The following TAMM41 variants were observed in gnomAD, a reference collection of about 807,000 sequenced individuals.
TAMM41 encodes phosphatidate cytidylyltransferase, mitochondrial.
Under a neutral mutation model 44.1 loss-of-function variants are expected in TAMM41, and 36 were observed. The ratio of observed to expected loss-of-function variants is 0.82; its 90% confidence interval spans 0.63 to 1.08. TAMM41 has a LOEUF of 1.08. Among genes scored for constraint, TAMM41 ranks in the 50% least tolerant of loss-of-function variants. TAMM41 has a pLI of 0.00. For synonymous variants in TAMM41, 164 were observed against 153.1 expected, an observed-to-expected ratio of 1.07 and a Z score of -0.53; for missense variants, 417 against 404.3, an observed-to-expected ratio of 1.03 and a Z score of -0.27.
chr3:11,824,122 C>T (rs1057471585), intron 4 of TAMM41, among the ~76,000 whole-genome samples: 2 of 151,078 alleles, frequency 1.3e-5, no homozygotes, highest in African/African-American at 2.4e-5. Context: ...CCACTGCGCC[C>T]GGCCTATCCA....
chr3:11,820,061 C>T (rs1211224619), intron 4 of TAMM41, among the ~76,000 whole-genome samples: 1 of 152,064 alleles, frequency 6.6e-6, no homozygotes, highest in East Asian at 1.9e-4. Flanking sequence ...TTCTATAATG[C>T]TGGCATATTA....
the TAMM41 span, among the ~76,000 whole-genome samples, chr3:11,770,170 T>C: frequency 6.6e-6 from 1 of 152,234 alleles, no homozygotes; most frequent in Non-Finnish European, 1.5e-5. Context: ...GTGCCTCTTC[T>C]GGCCTCTGTG....
chr3:11,784,396 G>A, the TAMM41 span, among the ~76,000 whole-genome samples: 4 of 152,352 alleles, frequency 2.6e-5, no homozygotes, highest in Middle Eastern at 3.4e-3. Context: ...TCAGGAGGCT[G>A]AGGTGGGAGA....
intron 7 of TAMM41, among the ~76,000 whole-genome samples, chr3:11,793,360 A>T (rs1451963208): frequency 6.6e-6 from 1 of 152,210 alleles, no homozygotes; most frequent in East Asian, 1.9e-4. Context: ...AAAAGACCTA[A>T]ACAGGCATTC....
intron 7 of TAMM41, among the ~76,000 whole-genome samples, chr3:11,792,015 T>C (rs1449930842): frequency 6.6e-6 from 1 of 152,180 alleles, no homozygotes; most frequent in Non-Finnish European, 1.5e-5. Context: ...CAGGTAGTTA[T>C]ACATGGAAAG....
At chr3:11,814,703 C>T (rs2124976393) in intron 5 of TAMM41, among the ~76,000 whole-genome samples, 1 of 152,252 alleles carries the variant, frequency 6.6e-6, no homozygotes, top group East Asian at 1.9e-4. Context: ...TGGCTCACAC[C>T]AGTTAACCCA....
the TAMM41 span, among the ~76,000 whole-genome samples, chr3:11,769,119 T>A: frequency 2.0e-5 from 3 of 152,100 alleles, no homozygotes; most frequent in Non-Finnish European, 4.4e-5. Context: ...ACAAACAGTC[T>A]CACTCTGCGC....
rs373032893 is a variant in TAMM41, at chr3:11,817,356, T to A, written c.563-19A>T. 2.6e-4 allele frequency: 421 copies of A among 1,596,772 alleles called. No individual in the cohort carries two copies. Among genetic ancestry groups the A allele is most frequent in the Non-Finnish European group, 3.5e-4 (404 of 1,166,122 alleles). ...AAGTCACCTAGTTAAAACAAAGAGA[T>A]AAACACATCTTCCATTAAGAATCCA... On this transcript the variant is annotated intron_variant, in intron 4 of 7. Transcript: ENST00000455809.
the TAMM41 span, among the ~76,000 whole-genome samples, chr3:11,784,796 C>CTTTT: frequency 1.0e-3 from 113 of 108,764 alleles, 1 homozygote; most frequent in Non-Finnish European, 1.4e-3. Context: ...CTTTTCTTTT[C>CTTTT]TTTTTTTTTT....
chr3:11,843,507 C>G (rs1300679943), intron 2 of TAMM41: 3 of 152,660 alleles, frequency 2.0e-5, no homozygotes, highest in Non-Finnish European at 4.4e-5. Flanking sequence ...GAGGCTGAGG[C>G]GGGCAGATCA....
the TAMM41 span, among the ~76,000 whole-genome samples, chr3:11,722,690 G>A: frequency 2.0e-5 from 3 of 152,140 alleles, no homozygotes; most frequent in African/African-American, 7.2e-5. Context: ...AAAAAAAATG[G>A]TCAGGCGTGG....
At chr3:11,822,596 T>C (rs1448686352) in intron 4 of TAMM41, among the ~76,000 whole-genome samples, 1 of 152,216 alleles carries the variant, frequency 6.6e-6, no homozygotes, top group Non-Finnish European at 1.5e-5. Flanking sequence ...TCTACTTTCT[T>C]GCCACAGATT....
In TAMM41 at chr3:11,844,137, CCAA is replaced by C; in HGVS notation, c.207_209del (p.Asn69_Trp70delinsLys). 2 of 1,614,136 alleles carry C rather than the reference CCAA, an allele frequency of 1.2e-6. No homozygotes were observed. Among genetic ancestry groups the C allele is most frequent in the Non-Finnish European group, 1.7e-6 (2 of 1,180,012 alleles). ...AAACTTTTAGGAAAGAGTAGTGACT[CCAA>C]TTTTTCTTCAGGTTCTTTGAATGCC... On this transcript the variant is annotated inframe_deletion, in exon 2 of 8. Transcript: ENST00000455809.
chr3:11,802,214 T>C (rs1303663328), intron 7 of TAMM41, among the ~76,000 whole-genome samples: 1 of 152,036 alleles, frequency 6.6e-6, no homozygotes, highest in Admixed American at 6.6e-5. Context: ...AGCCAGACCC[T>C]GACTCAAAAA....
chr3:11,790,445 T>C lies in TAMM41; in HGVS notation c.*60A>G, dbSNP rs1331213082. 7 of 1,438,408 alleles carry C rather than the reference T, an allele frequency of 4.9e-6. No individual in the cohort carries two copies. The highest frequency in any genetic ancestry group is 1.2e-5 in the South Asian group (1 of 86,634). The allele number at this position is 1,438,408 out of a possible 1,614,324, so 89.1% of individuals were successfully genotyped here. ...TGGGTCAAAGTAACAAACACTGTTC[T>C]GTCAAAAAGGATCAAACACTTTATT... is the stretch of plus-strand genomic sequence containing the variant. On this transcript the variant is annotated 3_prime_UTR_variant, in exon 8 of 8. Transcript: ENST00000455809.
At chr3:11,781,174 A>G in the TAMM41 span, among the ~76,000 whole-genome samples, 1 of 152,190 alleles carries the variant, frequency 6.6e-6, no homozygotes, top group African/African-American at 2.4e-5. Context: ...AACCCACTGC[A>G]ACCTGGAATT....
chr3:11,725,403 C>CTCTTCT, the TAMM41 span, among the ~76,000 whole-genome samples: 5,051 of 129,470 alleles, frequency 0.039, 405 homozygotes, highest in African/African-American at 0.14. Context: ...TTTCTTCTTC[C>CTCTTCT]TCTTCTTCTT....
the TAMM41 span, among the ~76,000 whole-genome samples, chr3:11,738,785 G>A: frequency 2.0e-5 from 3 of 152,188 alleles, no homozygotes; most frequent in South Asian, 2.1e-4. Flanking sequence ...TGGCAGAAAC[G>A]CAAATGCAGA....
chr3:11,732,629 G>T, the TAMM41 span, among the ~76,000 whole-genome samples: 1 of 152,224 alleles, frequency 6.6e-6, no homozygotes, highest in Non-Finnish European at 1.5e-5. Context: ...AGGGTGACGG[G>T]TTGTGACAGC....
Sources: allele counts gnomAD v4.1 joint callset (sites outside exome capture counted in the v4.1 genomes callset), GRCh38; gene constraint gnomAD v4.1.1; transcripts MANE v1.5; gene names NCBI Gene and HGNC (gene_info 2026-07-23, HGNC 2026-07-21).